Variants in SOX5 observed in about 807,000 individuals in gnomAD.
SOX5 encodes transcription factor SOX-5.
In SOX5, 9 loss-of-function variants were observed where a neutral mutation model predicts 92.0. The ratio of observed to expected loss-of-function variants is 0.10; its 90% CI spans 0.06 to 0.17. The LOEUF is 0.17. SOX5 is among the 10% of genes least tolerant of loss of function. The probability of loss-of-function intolerance (pLI) is 1.00; values close to 1 mark genes in which losing one functional copy is unlikely to be tolerated. For synonymous variants in SOX5, 344 were observed against 336.3 expected (o/e 1.02, Z -0.25); for missense variants, 642 against 944.5 (o/e 0.68, Z 4.20).
At chr12:23,700,610 T>C (rs931009259) in intron 6 of SOX5, among the ~76,000 whole-genome samples, 1 of 152,006 alleles carries the variant, frequency 6.6e-6, no homozygotes, top group African/African-American at 2.4e-5. Flanking sequence ...CTCTTTCCCT[T>C]GAATGGTGGC....
intron 7 of SOX5, among the ~76,000 whole-genome samples, chr12:23,655,261 T>G (rs968958913): frequency 6.6e-6 from 1 of 152,122 alleles, no homozygotes; most frequent in Non-Finnish European, 1.5e-5. Flanking sequence ...ATATGTCTCC[T>G]TTTCCTTCTG....
intron 2 of SOX5, among the ~76,000 whole-genome samples, chr12:24,318,363 T>C (rs1000789159): frequency 6.6e-6 from 1 of 152,200 alleles, no homozygotes; most frequent in Non-Finnish European, 1.5e-5. Context: ...GTCCTCTTAA[T>C]TTTTCCTGAT....
At chr12:23,886,204 G>T (rs762012619) in intron 2 of SOX5, among the ~76,000 whole-genome samples, 1 of 151,924 alleles carries the variant, frequency 6.6e-6, no homozygotes, top group Non-Finnish European at 1.5e-5. Context: ...GTTTGTCCTT[G>T]TATATACTAT....
At chr12:24,134,119 A>G (rs1201642353) in intron 4 of SOX5, among the ~76,000 whole-genome samples, 3 of 152,174 alleles carry the variant, frequency 2.0e-5, no homozygotes, top group Admixed American at 2.0e-4. Context: ...ACAGGTTGAT[A>G]AATGCAGGTG....
intron 2 of SOX5, among the ~76,000 whole-genome samples, chr12:24,359,719 A>G (rs1200033228): frequency 6.6e-6 from 1 of 152,202 alleles, no homozygotes; most frequent in Non-Finnish European, 1.5e-5. Flanking sequence ...TATTTTATCA[A>G]GGGATAAGGA....
At chr12:24,257,102 G>A (rs1941326997) in intron 3 of SOX5, among the ~76,000 whole-genome samples, 1 of 152,204 alleles carries the variant, frequency 6.6e-6, no homozygotes, top group South Asian at 2.1e-4. Context: ...GCTGGGTACA[G>A]AAAGTCATGG....
At chr12:24,109,835 ACTAAGC>A (rs1947112568) in intron 4 of SOX5, among the ~76,000 whole-genome samples, 1 of 152,360 alleles carries the variant, frequency 6.6e-6, no homozygotes, top group East Asian at 1.9e-4. Context: ...ACATTTGGAA[ACTAAGC>A]CTACAGTCCA....
intron 4 of SOX5, among the ~76,000 whole-genome samples, chr12:24,189,931 A>G (rs1047932523): frequency 6.6e-6 from 1 of 152,222 alleles, no homozygotes; most frequent in African/African-American, 2.4e-5. Context: ...CTCTTACAAT[A>G]GGGGAAGAAG....
chr12:23,544,908 CAGCAACATA>C (rs762169006), intron 12 of SOX5, among the ~76,000 whole-genome samples: 28 of 152,166 alleles, frequency 1.8e-4, no homozygotes, highest in Non-Finnish European at 3.8e-4. Context: ...TTACACCTTA[CAGCAACATA>C]AGCAATAAAA....
intron 11 of SOX5, among the ~76,000 whole-genome samples, chr12:23,555,990 T>C (rs142894513): frequency 6.6e-4 from 100 of 152,332 alleles, no homozygotes; most frequent in African/African-American, 2.3e-3. Flanking sequence ...ATTGGAATTA[T>C]TGAAAGGCTG....
chr12:24,231,280 C>G (rs1016345885), intron 3 of SOX5, among the ~76,000 whole-genome samples: 2 of 152,180 alleles, frequency 1.3e-5, no homozygotes, highest in Non-Finnish European at 2.9e-5. Context: ...TTTCAACACA[C>G]ATGTTTAGAA....
chr12:24,184,621 T>C (rs1179211715), intron 4 of SOX5, among the ~76,000 whole-genome samples: 1 of 152,140 alleles, frequency 6.6e-6, no homozygotes, highest in African/African-American at 2.4e-5. Context: ...CTAGGAAGAA[T>C]ACATGTAACG....
chr12:24,059,484 A>T (rs753980656), intron 4 of SOX5, among the ~76,000 whole-genome samples: 3 of 152,136 alleles, frequency 2.0e-5, no homozygotes, highest in Non-Finnish European at 4.4e-5. Flanking sequence ...AGAAAATTCT[A>T]TTCTCACCAT....
At chr12:24,381,115 G>A (rs138332964) in intron 1 of SOX5, among the ~76,000 whole-genome samples, 1,822 of 152,264 alleles carry the variant, frequency 0.012, 120 homozygotes, top group Admixed American at 0.11. Context: ...TTGGAAGTAC[G>A]TAAAAGCACA....
chr12:24,425,377 G>A (rs1359090620), intron 1 of SOX5, among the ~76,000 whole-genome samples: 1 of 152,146 alleles, frequency 6.6e-6, no homozygotes, highest in Non-Finnish European at 1.5e-5. Context: ...TTTTCTAAAT[G>A]ACCTAAGAAA....
intron 9 of SOX5, among the ~76,000 whole-genome samples, chr12:23,586,214 A>G (rs1239181523): frequency 3.3e-5 from 5 of 152,140 alleles, no homozygotes; most frequent in Non-Finnish European, 7.4e-5. Context: ...AGGCCACTTA[A>G]TTAGCAATTT....
chr12:23,788,999 A>G (rs1265500927), intron 3 of SOX5, among the ~76,000 whole-genome samples: 1 of 152,012 alleles, frequency 6.6e-6, no homozygotes, highest in Admixed American at 6.6e-5. Context: ...AGGTCTGCCA[A>G]TGAATCTTTT....
intron 4 of SOX5, among the ~76,000 whole-genome samples, chr12:24,091,705 T>C (rs1241449153): frequency 6.6e-6 from 1 of 152,168 alleles, no homozygotes; most frequent in African/African-American, 2.4e-5. Context: ...GATAAATTCA[T>C]GCTAGGATTG....
At chr12:24,027,864 C>T (rs546909131) in intron 4 of SOX5, among the ~76,000 whole-genome samples, 3 of 152,016 alleles carry the variant, frequency 2.0e-5, no homozygotes, top group East Asian at 3.9e-4. Flanking sequence ...TTTGAAAATG[C>T]GAAACCAGTC....
Sources: allele counts gnomAD v4.1 joint callset (sites outside exome capture counted in the v4.1 genomes callset), GRCh38; gene constraint gnomAD v4.1.1; transcripts MANE v1.5; gene names NCBI Gene and HGNC (gene_info 2026-07-23, HGNC 2026-07-21).